SCN8A: variants seen among roughly 807,000 people sequenced by gnomAD.
SCN8A encodes the protein sodium channel protein type 8 subunit alpha.
SCN8A carries 30 observed loss-of-function variants against 184.1 expected under a neutral mutation model. That is an observed-to-expected ratio of 0.16 (90% confidence interval 0.12 to 0.22). SCN8A has a LOEUF of 0.22. SCN8A is among the 10% of genes least tolerant of loss of function. The pLI, the probability that SCN8A is intolerant of heterozygous loss-of-function variation, is 1.00. For missense variants in SCN8A, 1,057 were observed against 2,498.9 expected (o/e 0.42, Z 12.30); for synonymous variants, 852 against 907.0 (o/e 0.94, Z 1.09).
At chr12:51,722,782 A>G (rs1942090245) in intron 12 of SCN8A, 1 of 152,280 alleles carries the variant, frequency 6.6e-6, no homozygotes, top group African/African-American at 2.4e-5. Context: ...GGAGTTGCAT[A>G]TAATAGCTTC....
chr12:51,604,518 T>C (rs1246835198), intron 1 of SCN8A, among the ~76,000 whole-genome samples: 1 of 151,754 alleles, frequency 6.6e-6, no homozygotes. Flanking sequence ...TTTTAACGGG[T>C]TTTTGTTTCG....
chr12:51,770,219 C>CA, intron 18 of SCN8A: 1 of 586,024 alleles, frequency 1.7e-6, no homozygotes, highest in Non-Finnish European at 3.0e-6. Flanking sequence ...GGCATCAGCC[C>CA]AAAAATTTCC....
At chr12:51,766,200 C>T in intron 16 of SCN8A, 173 bp downstream of exon 16, 1 of 644,662 alleles carries the variant, frequency 1.6e-6, no homozygotes, top group East Asian at 2.7e-5. Flanking sequence ...GAGAGAGATA[C>T]TTACAGAGTG....
chr12:51,780,515 C>T, intron 20 of SCN8A, 134 bp from the exon 21 acceptor site: 1 of 614,848 alleles, frequency 1.6e-6, no homozygotes, highest in Non-Finnish European at 2.4e-6. Flanking sequence ...CAATCTGTGT[C>T]TGCAGTGCTA....
intron 2 of SCN8A, among the ~76,000 whole-genome samples, chr12:51,666,603 A>G (rs1941037970): frequency 6.6e-6 from 1 of 152,188 alleles, no homozygotes. Flanking sequence ...TTCTTTGCTA[A>G]ATGATACCAG....
At chr12:51,762,388 A>C in intron 14 of SCN8A, 115 bp from the exon 15 acceptor site, 2 of 990,440 alleles carry the variant, frequency 2.0e-6, no homozygotes, top group Non-Finnish European at 3.0e-6. Context: ...TCAGATGCAG[A>C]ATTTAACTAA....
At chr12:51,747,645 A>G (rs965592711) in intron 13 of SCN8A, among the ~76,000 whole-genome samples, 6 of 152,214 alleles carry the variant, frequency 3.9e-5, no homozygotes, top group South Asian at 2.1e-4. Context: ...TAGATGCTCA[A>G]ACAATCTTTG....
At chr12:51,766,624 A>G (rs1164928449) in intron 16 of SCN8A, among the ~76,000 whole-genome samples, 3 of 152,224 alleles carry the variant, frequency 2.0e-5, no homozygotes, top group South Asian at 2.1e-4. Flanking sequence ...ATTTATATAA[A>G]TGACAAATCA....
At chr12:51,616,414 G>C (rs1939837462) in intron 1 of SCN8A, among the ~76,000 whole-genome samples, 1 of 152,134 alleles carries the variant, frequency 6.6e-6, no homozygotes, top group African/African-American at 2.4e-5. Context: ...TTCGAGACCA[G>C]CCTGGCTAAC....
chr12:51,792,899 T>C (rs1263553607), intron 25 of SCN8A, among the ~76,000 whole-genome samples: 1 of 151,964 alleles, frequency 6.6e-6, no homozygotes, highest in Admixed American at 6.6e-5. Context: ...CCTGCCACCA[T>C]GCCCGGCTAA....
In SCN8A at chr12:51,714,949, C is replaced by T. The variant is rs370070653; in HGVS notation, c.1636-6597C>T. On this transcript the variant is annotated intron_variant, in intron 11 of 26. Coordinates refer to ENST00000627620, the MANE Select transcript of SCN8A (RefSeq NM_001330260.2). ...AAGAGGGAGTAAGGCCTACTCATCT[C>T]ATAAACTACACAGGATCCCAGGATT... Among the ~76,000 whole-genome samples, 15 of 152,326 alleles carry T rather than the reference C, an allele frequency of 9.8e-5. No homozygotes were observed. The South Asian group carries it at 1.7e-3, about 17-fold the overall frequency.
chr12:51,745,214 G>A (rs556073998), intron 12 of SCN8A, among the ~76,000 whole-genome samples: 1 of 152,166 alleles, frequency 6.6e-6, no homozygotes, highest in East Asian at 1.9e-4. Flanking sequence ...TTTTTATTGG[G>A]AATTTGAACA....
intron 12 of SCN8A, among the ~76,000 whole-genome samples, chr12:51,744,067 T>C (rs1194516761): frequency 1.3e-5 from 2 of 152,080 alleles, no homozygotes; most frequent in Non-Finnish European, 2.9e-5. Flanking sequence ...TTTGGAAGGC[T>C]GAGGTGGGAG....
At chr12:51,613,465 C>A (rs1939766952) in intron 1 of SCN8A, among the ~76,000 whole-genome samples, 1 of 151,928 alleles carries the variant, frequency 6.6e-6, no homozygotes, top group South Asian at 2.1e-4. Flanking sequence ...TTCTTTTATT[C>A]CTGATATTGA....
At chr12:51,705,347 G>A in intron 9 of SCN8A, 70 bp from the exon 10 acceptor site, 1 of 1,421,510 alleles carries the variant, frequency 7.0e-7, no homozygotes, top group Non-Finnish European at 9.8e-7. Context: ...AGAGGAACTT[G>A]GCCCATTAGC....
chr12:51,705,296 C>T (rs1289287630), intron 9 of SCN8A, 121 bp from the exon 10 acceptor site: 1 of 828,966 alleles, frequency 1.2e-6, no homozygotes, highest in Non-Finnish European at 1.9e-6. Flanking sequence ...GAGTACTGCA[C>T]AAGGAAACAG....
intron 1 of SCN8A, among the ~76,000 whole-genome samples, chr12:51,645,432 G>C (rs1426934168): frequency 1.3e-5 from 2 of 152,096 alleles, no homozygotes; most frequent in South Asian, 2.1e-4. Context: ...CCTCTGCCCG[G>C]CCACCACCCT....
chr12:51,674,212 A>G (rs3782478), intron 2 of SCN8A, among the ~76,000 whole-genome samples: 44,102 of 152,148 alleles, frequency 0.29, 8,150 homozygotes, highest in Non-Finnish European at 0.42. Context: ...TTTGGGACCC[A>G]TTTTGAGCTA....
chr12:51,729,682 A>G (rs1228621659), intron 12 of SCN8A, among the ~76,000 whole-genome samples: 3 of 152,180 alleles, frequency 2.0e-5, no homozygotes, highest in Non-Finnish European at 2.9e-5. Context: ...GGGTAGATAC[A>G]TCAAAGTGAA....
Sources: allele counts gnomAD v4.1 joint callset (sites outside exome capture counted in the v4.1 genomes callset), GRCh38; gene constraint gnomAD v4.1.1; transcripts MANE v1.5; gene names NCBI Gene and HGNC (gene_info 2026-07-23, HGNC 2026-07-21).